SH3PXD2A: variants seen among roughly 807,000 people sequenced by gnomAD.
SH3PXD2A encodes SH3 and PX domain-containing protein 2A.
SH3PXD2A carries 32 observed loss-of-function variants against 115.2 expected under a neutral mutation model. The ratio of observed to expected loss-of-function variants is 0.28; its 90% CI spans 0.21 to 0.37. SH3PXD2A has a LOEUF of 0.37. SH3PXD2A is among the 10% of genes least tolerant of loss of function. The probability of loss-of-function intolerance (pLI) is 1.00; values close to 1 mark genes in which losing one functional copy is unlikely to be tolerated. For missense variants in SH3PXD2A, 1,328 were observed against 1,498.7 expected (o/e 0.89, Z 1.88); for synonymous variants, 610 against 629.1 (o/e 0.97, Z 0.45).
chr10:103,785,324 T>C (rs1194448675), intron 2 of SH3PXD2A, among the ~76,000 whole-genome samples: 1 of 152,070 alleles, frequency 6.6e-6, no homozygotes, highest in Non-Finnish European at 1.5e-5. Flanking sequence ...GATTAGGCAA[T>C]GGAACAGACA....
At chr10:103,673,737 C>T (rs1314853639) in intron 6 of SH3PXD2A, among the ~76,000 whole-genome samples, 2 of 152,150 alleles carry the variant, frequency 1.3e-5, no homozygotes, top group Non-Finnish European at 2.9e-5. Context: ...TCCATCCATC[C>T]AAACTAATAA....
chr10:103,765,149 T>C (rs1487974629), intron 3 of SH3PXD2A, among the ~76,000 whole-genome samples: 1 of 152,156 alleles, frequency 6.6e-6, no homozygotes, highest in East Asian at 1.9e-4. Context: ...TTCTCTGTAT[T>C]GGTAATCAGC....
chr10:103,612,230 TG>T (rs2036438911), intron 12 of SH3PXD2A, among the ~76,000 whole-genome samples: 2 of 152,240 alleles, frequency 1.3e-5, no homozygotes. Flanking sequence ...CCAGACTGCC[TG>T]GAGTCTCCTG....
At chr10:103,775,596 G>C (rs937712821) in intron 2 of SH3PXD2A, among the ~76,000 whole-genome samples, 1 of 152,208 alleles carries the variant, frequency 6.6e-6, no homozygotes, top group African/African-American at 2.4e-5. Context: ...TGTCAGGATT[G>C]CTACAGGAAG....
intron 3 of SH3PXD2A, among the ~76,000 whole-genome samples, chr10:103,759,548 G>A (rs1411881761): frequency 6.6e-6 from 1 of 152,248 alleles, no homozygotes; most frequent in Non-Finnish European, 1.5e-5. Flanking sequence ...ACCTCGCACA[G>A]CCTTTGCAGA....
intron 5 of SH3PXD2A, among the ~76,000 whole-genome samples, chr10:103,720,807 C>A (rs1192265989): frequency 1.3e-5 from 2 of 152,202 alleles, no homozygotes; most frequent in Non-Finnish European, 2.9e-5. Context: ...GGGTCATGGA[C>A]AAGCTCTGGC....
intron 5 of SH3PXD2A, among the ~76,000 whole-genome samples, chr10:103,708,391 G>A (rs767085373): frequency 5.9e-5 from 9 of 152,150 alleles, no homozygotes; most frequent in African/African-American, 1.2e-4. Context: ...TCAGTGGGAG[G>A]TTGGAGCCCA....
intron 10 of SH3PXD2A, among the ~76,000 whole-genome samples, chr10:103,617,541 C>T (rs2036537852): frequency 6.6e-6 from 1 of 152,182 alleles, no homozygotes; most frequent in African/African-American, 2.4e-5. Context: ...CCAAAGCCAG[C>T]CAGGACCCAG....
chr10:103,693,308 A>AGCCCGCCCCGCCCCGCCCCC (rs2037784506), intron 5 of SH3PXD2A: 1 of 79,196 alleles, frequency 1.3e-5, no homozygotes, highest in African/African-American at 5.0e-5. Context: ...GCCCCGCCCC[A>AGCCCGCCCCGCCCCGCCCCC]GCCCGCCCCG....
chr10:103,796,796 T>C (rs567207679), intron 2 of SH3PXD2A, among the ~76,000 whole-genome samples: 1 of 151,952 alleles, frequency 6.6e-6, no homozygotes, highest in Non-Finnish European at 1.5e-5. Context: ...TAAATTTGAA[T>C]TTCAGATAAA....
intron 10 of SH3PXD2A, among the ~76,000 whole-genome samples, chr10:103,619,699 G>T (rs141486360): frequency 3.0e-4 from 45 of 152,340 alleles, no homozygotes; most frequent in Admixed American, 7.2e-4. Flanking sequence ...TGACCTCTTG[G>T]GGGTGGGGGC....
chr10:103,781,716 G>A (rs756855164), intron 2 of SH3PXD2A, among the ~76,000 whole-genome samples: 1 of 152,180 alleles, frequency 6.6e-6, no homozygotes, highest in Non-Finnish European at 1.5e-5. Flanking sequence ...TCCCACAGCT[G>A]TATCTATCAA....
chr10:103,734,378 G>GT lies in SH3PXD2A; in HGVS notation c.306+1353dup, dbSNP rs928029136. Reference sequence around the variant, plus strand: ...TATTTTGTGTTTGCTTTATTTGCTTGTTTTTTTTTTTTATTTGCTTTTAAT... The same window carrying GT: ...TATTTTGTGTTTGCTTTATTTGCTTGTTTTTTTTTTTTTATTTGCTTTTAAT... On this transcript the variant is annotated intron_variant, in intron 4 of 14. Coordinates refer to ENST00000369774, the MANE Select transcript of SH3PXD2A (RefSeq NM_001394015.1). Among the ~76,000 whole-genome samples the GT allele has an allele frequency of 5.2e-4, 78 of 151,056 alleles. No homozygotes were observed. In the South Asian group the frequency reaches 5.7e-3, roughly 11 times the overall value.
chr10:103,688,794 C>T (rs779122937), intron 6 of SH3PXD2A, among the ~76,000 whole-genome samples: 3 of 152,034 alleles, frequency 2.0e-5, no homozygotes, highest in Non-Finnish European at 4.4e-5. Flanking sequence ...GGATGGAGTC[C>T]CTGGGGGAAT....
chr10:103,647,535 C>G (rs2037053428), intron 8 of SH3PXD2A, among the ~76,000 whole-genome samples: 1 of 152,186 alleles, frequency 6.6e-6, no homozygotes, highest in Non-Finnish European at 1.5e-5. Flanking sequence ...TCCAAGGAGG[C>G]AAGTTTGTGT....
chr10:103,611,013 C>T (rs376556738), intron 13 of SH3PXD2A, among the ~76,000 whole-genome samples: 73 of 152,346 alleles, frequency 4.8e-4, no homozygotes, highest in African/African-American at 1.8e-3. Context: ...GCCCCTGATG[C>T]GTATCTACCT....
At chr10:103,835,347 A>G (rs763206471) in intron 1 of SH3PXD2A, among the ~76,000 whole-genome samples, 2 of 152,206 alleles carry the variant, frequency 1.3e-5, no homozygotes, top group Non-Finnish European at 2.9e-5. Flanking sequence ...TCTGTCTGCC[A>G]AGAACTCACA....
At chr10:103,842,554 C>T (rs2039611487) in intron 1 of SH3PXD2A, among the ~76,000 whole-genome samples, 2 of 152,200 alleles carry the variant, frequency 1.3e-5, no homozygotes, top group African/African-American at 2.4e-5. Context: ...TTCCTCCCAC[C>T]TGGCCTCTGG....
At chr10:103,828,196 C>T (rs892976815) in intron 1 of SH3PXD2A, among the ~76,000 whole-genome samples, 7 of 152,174 alleles carry the variant, frequency 4.6e-5, no homozygotes, top group South Asian at 4.1e-4. Context: ...CGAATGCTTA[C>T]GCTAGGGAGA....
Sources: gnomAD v4.1 joint callset for allele counts (sites outside exome capture counted in the v4.1 genomes callset) on GRCh38, gnomAD v4.1.1 for gene constraint, MANE v1.5 for transcripts, NCBI Gene and HGNC (gene_info 2026-07-23, HGNC 2026-07-21) for gene names.